ARHGEF38: variants seen among roughly 807,000 people sequenced by gnomAD.
The protein encoded by ARHGEF38 is Rho guanine nucleotide exchange factor 38.
ARHGEF38 carries 79 observed loss-of-function variants against 79.9 expected under a neutral mutation model. The observed-to-expected ratio is 0.99, with a 90% CI of 0.82 to 1.19. The LOEUF is 1.19. ARHGEF38 is among the 50% of genes most tolerant of loss of function. ARHGEF38 has a pLI of 0.00. For synonymous variants in ARHGEF38, 366 were observed against 328.3 expected, an observed-to-expected ratio of 1.11 and a Z score of -1.24; for missense variants, 962 against 907.2, an observed-to-expected ratio of 1.06 and a Z score of -0.78.
Position 105,613,367 on chromosome 4 carries a change from G to GT in ARHGEF38, c.385-11dup. 1.2e-6 allele frequency: 2 copies of GT among 1,609,130 alleles called. No homozygotes were observed. The highest frequency in any genetic ancestry group is 1.7e-6 in the Non-Finnish European group (2 of 1,177,320). On this transcript the variant is annotated splice_polypyrimidine_tract_variant and intron_variant, in intron 2 of 13. Transcript: ENST00000420470. The stretch of plus-strand genomic sequence containing the variant: ...TACAGTGCTTCTCCATCAGCTCAAT[G>GT]TTTTTTGTTTCTTCAGACTGATAGG...
intron 1 of ARHGEF38, among the ~76,000 whole-genome samples, chr4:105,588,167 T>C (rs1428186399): frequency 5.3e-5 from 8 of 152,218 alleles, no homozygotes; most frequent in Admixed American, 2.6e-4. Context: ...TATTTTCACT[T>C]TCATACATTG....
intron 1 of ARHGEF38, among the ~76,000 whole-genome samples, chr4:105,574,530 A>G (rs1217176367): frequency 7.0e-6 from 1 of 143,444 alleles, no homozygotes; most frequent in Non-Finnish European, 1.5e-5. Context: ...CGCCTGGGTG[A>G]CAGGGCAAGA....
chr4:105,656,765 C>T (rs1341895776), intron 9 of ARHGEF38, among the ~76,000 whole-genome samples: 1 of 152,046 alleles, frequency 6.6e-6, no homozygotes, highest in Admixed American at 6.6e-5. Flanking sequence ...GCCCACCAGG[C>T]TCAAAATCTC....
chr4:105,610,859 T>C (rs11933060), intron 2 of ARHGEF38, among the ~76,000 whole-genome samples: 1,920 of 152,170 alleles, frequency 0.013, 31 homozygotes, highest in African/African-American at 0.036. Flanking sequence ...TAAACAGATA[T>C]ACAGGAAACT....
At chr4:105,580,168 A>G (rs1726716649) in intron 1 of ARHGEF38, among the ~76,000 whole-genome samples, 1 of 152,174 alleles carries the variant, frequency 6.6e-6, no homozygotes, top group Non-Finnish European at 1.5e-5. Flanking sequence ...CAAAAAAACT[A>G]GATCTTGGAT....
At chr4:105,554,225 CA>C (rs1174201190) in intron 1 of ARHGEF38, among the ~76,000 whole-genome samples, 3 of 151,942 alleles carry the variant, frequency 2.0e-5, no homozygotes, top group Non-Finnish European at 2.9e-5. Flanking sequence ...ATTTTAGATT[CA>C]GGGGGTATAT....
chr4:105,585,880 T>A (rs191189768), intron 1 of ARHGEF38, among the ~76,000 whole-genome samples: 1 of 151,828 alleles, frequency 6.6e-6, no homozygotes. Flanking sequence ...TACAGGCATG[T>A]GCCACCACAC....
chr4:105,568,235 A>G (rs1266443876), intron 1 of ARHGEF38, among the ~76,000 whole-genome samples: 1 of 152,100 alleles, frequency 6.6e-6, no homozygotes, highest in African/African-American at 2.4e-5. Context: ...AAACATATGA[A>G]AAAATGCTCA....
chr4:105,601,526 C>T (rs982182629), intron 2 of ARHGEF38, among the ~76,000 whole-genome samples: 1 of 152,094 alleles, frequency 6.6e-6, no homozygotes, highest in African/African-American at 2.4e-5. Flanking sequence ...AGTGGGTTAA[C>T]TCTGTGGCCA....
Position 105,561,399 on chromosome 4 carries a change from ATAATAGAATAGAATAGAATAGAATG to A in ARHGEF38, c.196+8439_196+8463del, listed in dbSNP as rs1560684030. 7.2e-3 allele frequency among the ~76,000 whole-genome samples: 130 copies of A among 18,132 alleles called. 18 individuals carry two copies. The highest frequency in any genetic ancestry group is 0.031 in the African/African-American group (126 of 4,124). The allele number at this position is 18,132 out of a possible 152,430, so 11.9% of individuals were successfully genotyped here. On this transcript the variant is annotated intron_variant, in intron 1 of 13. Transcript: ENST00000420470. ...CCTGGAGTCTCAAAAATAGAGTAGA[ATAATAGAATAGAATAGAATAGAATG>A]GAATAGAATAGAATAGAATAGAATG...
In ARHGEF38 at chr4:105,552,683, C is replaced by A; in HGVS notation, c.-83C>A. On this transcript the variant is annotated 5_prime_UTR_variant, in exon 1 of 14. Transcript: ENST00000420470. ...TAGAAGGGAGCAGATAAACTCGTCA[C>A]TCTAGTAGCTTTAACCCTCACCCTG... is the stretch of plus-strand genomic sequence containing the variant. The A allele has an allele frequency of 8.4e-7, 1 of 1,187,766 alleles. No individual in the cohort carries two copies. The highest frequency in any genetic ancestry group is 1.2e-6 in the Non-Finnish European group (1 of 843,144). The allele number at this position is 1,187,766 out of a possible 1,614,324, so 73.6% of individuals were successfully genotyped here.
chr4:105,602,287 G>A (rs1259354913), intron 2 of ARHGEF38, among the ~76,000 whole-genome samples: 1 of 152,144 alleles, frequency 6.6e-6, no homozygotes, highest in Non-Finnish European at 1.5e-5. Context: ...GACGAGATAG[G>A]TCTTGTCCAG....
chr4:105,616,478 A>G (rs1327583157), intron 3 of ARHGEF38, among the ~76,000 whole-genome samples: 2 of 152,072 alleles, frequency 1.3e-5, no homozygotes, highest in South Asian at 2.1e-4. Flanking sequence ...GCCAAGGGGG[A>G]AGTGCGATGC....
chr4:105,632,602 G>C (rs939598338), intron 4 of ARHGEF38: 3 of 152,160 alleles, frequency 2.0e-5, no homozygotes, highest in Non-Finnish European at 4.4e-5. Context: ...TCCTGGGTTT[G>C]AATGAACACC....
chr4:105,613,346 G>GGA lies in ARHGEF38; in HGVS notation c.385-38_385-37insGA, dbSNP rs777356395. On this transcript the variant is annotated intron_variant, in intron 2 of 13. Transcript: ENST00000420470. Reference sequence around the variant, plus strand: ...AGGAGGAGAAAACATCCTAAATACAGTGCTTCTCCATCAGCTCAATGTTTT... The same window carrying GGA: ...AGGAGGAGAAAACATCCTAAATACAGGATGCTTCTCCATCAGCTCAATGTTTT... 47 of 1,604,094 alleles carry GGA rather than the reference G, an allele frequency of 2.9e-5. No individual in the cohort carries two copies. The African/African-American group carries it at 5.6e-4, about 19-fold the overall frequency.
chr4:105,677,507 G>T (rs1302605133), intron 13 of ARHGEF38, among the ~76,000 whole-genome samples: 1 of 152,114 alleles, frequency 6.6e-6, no homozygotes, highest in Non-Finnish European at 1.5e-5. Flanking sequence ...AATAGAAACT[G>T]CCAAGTTGCC....
chr4:105,618,491 C>T (rs1281829198), intron 3 of ARHGEF38, among the ~76,000 whole-genome samples: 1 of 151,880 alleles, frequency 6.6e-6, no homozygotes, highest in Non-Finnish European at 1.5e-5. Flanking sequence ...CGTGGTGGCA[C>T]GCACCTGTAG....
intron 13 of ARHGEF38, among the ~76,000 whole-genome samples, chr4:105,676,009 G>A (rs1321050716): frequency 6.6e-6 from 1 of 152,140 alleles, no homozygotes; most frequent in Non-Finnish European, 1.5e-5. Context: ...CTTTCCTTGG[G>A]GAGCAGCTCA....
chr4:105,617,384 A>G (rs1728551980), intron 3 of ARHGEF38, among the ~76,000 whole-genome samples: 1 of 152,210 alleles, frequency 6.6e-6, no homozygotes. Context: ...TATTAATTGA[A>G]GTAAAAACTG....
Sources: allele counts gnomAD v4.1 joint callset (sites outside exome capture counted in the v4.1 genomes callset), GRCh38; gene constraint gnomAD v4.1.1; transcripts MANE v1.5; gene names NCBI Gene and HGNC (gene_info 2026-07-23, HGNC 2026-07-21).